CRACD: variants seen among roughly 807,000 people sequenced by gnomAD.
CRACD encodes the protein capping protein-inhibiting regulator of actin dynamics.
In CRACD, 56 loss-of-function variants were observed where a neutral mutation model predicts 106.8. That is an observed-to-expected ratio of 0.52 (90% CI 0.42 to 0.66). The LOEUF (loss-of-function observed/expected upper bound fraction) is 0.66. Ranked by LOEUF, CRACD falls within the 30% of genes least tolerant of loss-of-function variation. The probability of loss-of-function intolerance (pLI) is 0.00; values close to 1 mark genes in which losing one functional copy is unlikely to be tolerated. For missense variants in CRACD, 1,730 were observed against 1,623.2 expected (o/e 1.07, Z -1.13); for synonymous variants, 754 against 670.8 (o/e 1.12, Z -1.92).
chr4:56,284,399 G>A (rs1743213362), intron 3 of CRACD, among the ~76,000 whole-genome samples: 1 of 151,380 alleles, frequency 6.6e-6, no homozygotes, highest in African/African-American at 2.4e-5. Context: ...CATAGTACTG[G>A]GGTGGAGATA....
At position 56,314,016 on chromosome 4, in the gene CRACD, T is replaced by C; in HGVS notation, c.538-24T>C. The C allele has an allele frequency of 6.2e-7, 1 of 1,603,500 alleles. No individual in the cohort carries two copies. The highest frequency in any genetic ancestry group is 8.5e-7 in the Non-Finnish European group (1 of 1,174,492). On this transcript the variant is annotated intron_variant, in intron 7 of 10. Coordinates refer to ENST00000682029, the MANE Select transcript of CRACD (RefSeq NM_001393381.1). The surrounding 1 kb of genome is among the most constrained non-coding windows in gnomAD (Gnocchi z 4.4). ...GTGGGTGGAGAAAGCAAAAGGCTAA[T>C]TGTGTTTTCCTTTCCAATGTTAGGA... is the stretch of plus-strand genomic sequence containing the variant.
At chr4:56,294,329 C>A (rs1353353414) in intron 3 of CRACD, among the ~76,000 whole-genome samples, 1 of 151,868 alleles carries the variant, frequency 6.6e-6, no homozygotes, top group Non-Finnish European at 1.5e-5. Context: ...CATTTTATAT[C>A]CACTAATTAA....
rs1189823964 is a variant in CRACD, at chr4:56,122,950, A to G, written c.-335-56334A>G. Among the ~76,000 whole-genome samples, 5 of 152,294 alleles carry G rather than the reference A, an allele frequency of 3.3e-5. No individual in the cohort carries two copies. The East Asian group carries it at 9.6e-4, about 29-fold the overall frequency. ...CTTTTTTGTCAATTAATACGATGGA[A>G]CATAATGTTTCCTCAAACTGTTATG... On this transcript the variant is annotated intron_variant, in intron 1 of 10. Coordinates refer to ENST00000682029, the MANE Select transcript of CRACD (RefSeq NM_001393381.1).
chr4:56,178,450 G>T (rs1736676260), intron 1 of CRACD, among the ~76,000 whole-genome samples: 1 of 152,138 alleles, frequency 6.6e-6, no homozygotes, highest in Non-Finnish European at 1.5e-5. Flanking sequence ...GGCCTTTCAT[G>T]CCCTGGCTGT....
At chr4:56,218,161 C>T (rs1432923134) in intron 2 of CRACD, among the ~76,000 whole-genome samples, 2 of 152,288 alleles carry the variant, frequency 1.3e-5, no homozygotes, top group South Asian at 2.1e-4. Context: ...AAGACACTGT[C>T]TTCAAATAAT....
intron 1 of CRACD, among the ~76,000 whole-genome samples, chr4:56,123,384 C>T (rs929368802): frequency 3.9e-5 from 6 of 152,228 alleles, no homozygotes; most frequent in African/African-American, 1.4e-4. Context: ...TTGCAGAAGG[C>T]TGCCTTCTCT....
At chr4:56,080,935 A>G (rs1733000607) in intron 1 of CRACD, among the ~76,000 whole-genome samples, 1 of 152,258 alleles carries the variant, frequency 6.6e-6, no homozygotes, top group African/African-American at 2.4e-5. Context: ...CTCAAGCTAC[A>G]TCAGATCTAT....
At chr4:56,246,100 C>T (rs1004696562) in intron 2 of CRACD, among the ~76,000 whole-genome samples, 2 of 152,186 alleles carry the variant, frequency 1.3e-5, no homozygotes, top group African/African-American at 4.8e-5. Flanking sequence ...CCCCAACCTA[C>T]TGGCCTGTGC....
chr4:56,180,404 G>A (rs996108691), intron 2 of CRACD, among the ~76,000 whole-genome samples: 1 of 151,814 alleles, frequency 6.6e-6, no homozygotes, highest in African/African-American at 2.4e-5. Context: ...CAGGAGAATC[G>A]CCTGAACCCG....
At chr4:56,149,057 C>T (rs960401457) in intron 1 of CRACD, among the ~76,000 whole-genome samples, 2 of 152,180 alleles carry the variant, frequency 1.3e-5, no homozygotes, top group African/African-American at 4.8e-5. Context: ...CTCAGGTGAT[C>T]TGCCTGCCTT....
intron 1 of CRACD, among the ~76,000 whole-genome samples, chr4:56,075,204 A>G (rs1344807605): frequency 6.6e-6 from 1 of 152,206 alleles, no homozygotes; most frequent in Non-Finnish European, 1.5e-5. Flanking sequence ...GCCTCATAAA[A>G]TGAGTTAGGG....
chr4:56,078,793 A>T (rs529754266), intron 1 of CRACD, among the ~76,000 whole-genome samples: 1 of 152,164 alleles, frequency 6.6e-6, no homozygotes, highest in Non-Finnish European at 1.5e-5. Flanking sequence ...GGAGATCAGG[A>T]TATGCCTGGT....
intron 1 of CRACD, among the ~76,000 whole-genome samples, chr4:56,141,551 C>T (rs1356679549): frequency 2.0e-5 from 3 of 151,748 alleles, no homozygotes; most frequent in Admixed American, 6.6e-5. Flanking sequence ...GAGCTGTGAT[C>T]GTACCATTGC....
intron 2 of CRACD, among the ~76,000 whole-genome samples, chr4:56,204,424 C>T (rs927497704): frequency 1.3e-5 from 2 of 152,216 alleles, no homozygotes; most frequent in African/African-American, 4.8e-5. Context: ...CCTGCCGCAT[C>T]ATCCCATGGT....
chr4:56,221,243 T>C (rs1013600565), intron 2 of CRACD, among the ~76,000 whole-genome samples: 3 of 152,086 alleles, frequency 2.0e-5, no homozygotes, highest in African/African-American at 4.8e-5. Context: ...AAAATTGCAG[T>C]CAGGAAAATG....
At chr4:56,244,899 C>A (rs1740596700) in intron 2 of CRACD, among the ~76,000 whole-genome samples, 1 of 152,250 alleles carries the variant, frequency 6.6e-6, no homozygotes, top group Non-Finnish European at 1.5e-5. Flanking sequence ...TCCTAAGCTG[C>A]CCTTCCAGTC....
chr4:56,093,482 TATA>T (rs2109822968), intron 1 of CRACD, among the ~76,000 whole-genome samples: 1 of 152,334 alleles, frequency 6.6e-6, no homozygotes, highest in South Asian at 2.1e-4. Flanking sequence ...GAGATGTCAT[TATA>T]GCCAAAGTGG....
chr4:56,159,126 G>C (rs1735859752), intron 1 of CRACD, among the ~76,000 whole-genome samples: 1 of 152,200 alleles, frequency 6.6e-6, no homozygotes, highest in Admixed American at 6.5e-5. Context: ...CTGTTATAAA[G>C]TTATAGAAAG....
At chr4:56,321,188 T>C in intron 8 of CRACD, 2 of 278,118 alleles carry the variant, frequency 7.2e-6, no homozygotes, top group Non-Finnish European at 1.4e-5. Flanking sequence ...GGATAAACGG[T>C]TTTATTCTTC....
Sources: gnomAD v4.1 joint callset for allele counts (sites outside exome capture counted in the v4.1 genomes callset) on GRCh38, gnomAD v4.1.1 for gene constraint, Gnocchi (gnomAD v3.1) non-coding constraint, MANE v1.5 for transcripts, NCBI Gene and HGNC (gene_info 2026-07-23, HGNC 2026-07-21) for gene names.